Variants in KANK4 observed in about 807,000 individuals in gnomAD.
The protein encoded by KANK4 is KN motif and ankyrin repeat domain-containing protein 4.
KANK4 carries 50 observed loss-of-function variants against 80.8 expected under a neutral mutation model. That is an observed-to-expected ratio of 0.62 (90% CI 0.49 to 0.78). KANK4 has a LOEUF of 0.78. Among genes scored for constraint, KANK4 ranks in the 30% least tolerant of loss-of-function variants. The pLI, the probability that KANK4 is intolerant of heterozygous loss-of-function variation, is 0.00. For synonymous variants in KANK4, 465 were observed against 506.9 expected (o/e 0.92, Z 1.11); for missense variants, 1,196 against 1,240.1 (o/e 0.96, Z 0.53).
chr1:62,315,110 T>C (rs142897506), intron 1 of KANK4, among the ~76,000 whole-genome samples: 1 of 152,152 alleles, frequency 6.6e-6, no homozygotes, highest in Non-Finnish European at 1.5e-5. Context: ...AAAGGCCCAT[T>C]AGAAGCCTCT....
intron 1 of KANK4, among the ~76,000 whole-genome samples, chr1:62,308,452 C>A (rs999858436): frequency 6.6e-6 from 1 of 152,044 alleles, no homozygotes; most frequent in African/African-American, 2.4e-5. Context: ...GCAGCTGCAC[C>A]CCCTACCCCT....
chr1:62,309,693 A>T lies in KANK4; in HGVS notation c.-71+9413T>A, dbSNP rs534723935. ...TCTTTTTTGTCCCCATTTTACAGAT[A>T]GGAAGCTGAGGATAGGGCAGCGATG... is the stretch of plus-strand genomic sequence containing the variant. On this transcript the variant is annotated intron_variant, in intron 1 of 9. Coordinates refer to ENST00000371153, the MANE Select transcript of KANK4 (RefSeq NM_181712.5). Among the ~76,000 whole-genome samples, 69 of 152,330 alleles carry T rather than the reference A, an allele frequency of 4.5e-4. 1 individual carries two copies. Among genetic ancestry groups the T allele is most frequent in the African/African-American group, 1.6e-3 (66 of 41,576 alleles).
At chr1:62,312,779 AAG>A (rs1351305782) in intron 1 of KANK4, among the ~76,000 whole-genome samples, 2 of 152,178 alleles carry the variant, frequency 1.3e-5, no homozygotes, top group African/African-American at 2.4e-5. Context: ...TCAGCAACAA[AAG>A]AGAGCTTCGT....
intron 8 of KANK4, 57 bp from the exon 9 acceptor site, chr1:62,247,729 T>G (rs1026786293): frequency 5.5e-6 from 8 of 1,467,776 alleles, no homozygotes; most frequent in Non-Finnish European, 5.7e-6. Flanking sequence ...AAGGACCCCC[T>G]CTCCAGCCTG....
chr1:62,274,943 C>A lies in KANK4; in HGVS notation c.161G>T (p.Arg54Ile). ...DDIEKGNTIK[R>I]IPIHRRAKQA... ...CTTGGCCCTTCTGTGGATAGGAATT[C>A]TTTTGATAGTGTTTCCCTTCTCGAT... The change falls in exon 3 of 10, where the codon AGA (arginine) becomes ATA (isoleucine). Residue 54 changes from arginine (R) to isoleucine (I), a missense_variant. Physicochemically the swap from Arg to Ile is moderately conservative, Grantham distance 97. Coordinates refer to ENST00000371153, the MANE Select transcript of KANK4 (RefSeq NM_181712.5). The A allele has an allele frequency of 6.2e-7, 1 of 1,614,126 alleles. No individual in the cohort carries two copies.
At chr1:62,276,274 T>C (rs1250034936) in intron 2 of KANK4, among the ~76,000 whole-genome samples, 1 of 152,218 alleles carries the variant, frequency 6.6e-6, no homozygotes, top group East Asian at 1.9e-4. Context: ...ATTCCTCATG[T>C]GACGCCCCTA....
chr1:62,281,967 C>A (rs1672460607), intron 1 of KANK4, among the ~76,000 whole-genome samples: 1 of 152,118 alleles, frequency 6.6e-6, no homozygotes, highest in African/African-American at 2.4e-5. Flanking sequence ...AGTATCAGAC[C>A]CAGGCTTCTG....
intron 9 of KANK4, among the ~76,000 whole-genome samples, chr1:62,239,146 C>A (rs1025596151): frequency 1.3e-5 from 2 of 152,068 alleles, no homozygotes; most frequent in African/African-American, 4.8e-5. Flanking sequence ...AAGTGGCCCA[C>A]CCACATTGGC....
Position 62,262,185 on chromosome 1 carries a change from G to A in KANK4, c.2539+907C>T, listed in dbSNP as rs144541605. On this transcript the variant is annotated intron_variant, in intron 7 of 9. Transcript: ENST00000371153. ...ATGCCATTTTCCCTAGAGGCAGTAC[G>A]GTATATAGCTCTGGAGGTGGACAGA... Among the ~76,000 whole-genome samples, 14 of 152,294 alleles carry A rather than the reference G, an allele frequency of 9.2e-5. No individual in the cohort carries two copies. In the East Asian group the frequency reaches 1.7e-3, roughly 19 times the overall value.
intron 7 of KANK4, among the ~76,000 whole-genome samples, 200 bp from the exon 8 acceptor site, chr1:62,253,409 C>CTTTTTTTTTTTTTTTTTTTTT (rs34488630): frequency 1.8e-5 from 2 of 110,982 alleles, no homozygotes; most frequent in Non-Finnish European, 3.5e-5. Flanking sequence ...TTCTTTCTTT[C>CTTTTTTTTTTTTTTTTTTTTT]TTTTTTTTTT....
chr1:62,270,119 T>C (rs1383638633), intron 4 of KANK4, among the ~76,000 whole-genome samples: 14 of 151,980 alleles, frequency 9.2e-5, no homozygotes, highest in African/African-American at 3.4e-4. Flanking sequence ...CCTCAGCCTG[T>C]TGGAGGGAGG....
chr1:62,304,636 G>C (rs189911024), intron 1 of KANK4, among the ~76,000 whole-genome samples: 2 of 152,126 alleles, frequency 1.3e-5, no homozygotes, highest in East Asian at 3.9e-4. Flanking sequence ...AGTCTCTTTA[G>C]GACACTAAGC....
intron 1 of KANK4, among the ~76,000 whole-genome samples, chr1:62,300,518 G>A (rs895506437): frequency 4.6e-5 from 7 of 152,210 alleles, no homozygotes; most frequent in African/African-American, 7.2e-5. Context: ...TGAGCTGGGC[G>A]TTGAAGGATG....
chr1:62,247,869 C>T (rs1359237122), intron 8 of KANK4, among the ~76,000 whole-genome samples, 197 bp from the exon 9 acceptor site: 1 of 152,064 alleles, frequency 6.6e-6, no homozygotes, highest in Non-Finnish European at 1.5e-5. Context: ...TACATCCTCT[C>T]TAAAGCCTTC....
At chr1:62,245,393 G>A (rs950914332) in intron 9 of KANK4, among the ~76,000 whole-genome samples, 1 of 152,202 alleles carries the variant, frequency 6.6e-6, no homozygotes, top group African/African-American at 2.4e-5. Context: ...CTGTCTGGGT[G>A]TGACTGAGGG....
At chr1:62,293,099 T>C (rs1571031529) in intron 1 of KANK4, among the ~76,000 whole-genome samples, 1 of 123,214 alleles carries the variant, frequency 8.1e-6, no homozygotes, top group African/African-American at 3.3e-5. Context: ...TGTGTGTGTG[T>C]GTGTGTGAGA....
rs779025573 is a variant in KANK4, at chr1:62,273,845, T to C, written c.1259A>G (p.His420Arg). ...ACACGACTCCCTGGTCAAGAGTCCA[T>C]GGACAGGGTCAGTGTTCACCATCAC... ...TDVMVNTDPV[H>R]GLLTRESCDK... is the part of the protein sequence containing the mutation. The change falls in exon 3 of 10, where the codon CAT becomes CGT. Residue 420 changes from histidine to arginine, a missense_variant. By Grantham distance (29) the His-to-Arg change is conservative. This residue lies in a region of KANK4 where 1,154 missense variants were observed against 1,179.6 expected (regional missense o/e 0.98). Coordinates refer to ENST00000371153, the MANE Select transcript of KANK4 (RefSeq NM_181712.5). 3.7e-6 allele frequency: 6 copies of C among 1,614,214 alleles called. No individual in the cohort carries two copies. In the African/African-American group the frequency reaches 4.0e-5, roughly 11 times the overall value.
At position 62,279,919 on chromosome 1, in the gene KANK4, A is replaced by G. The variant is rs1447325417; in HGVS notation, c.16+1630T>C. Among the ~76,000 whole-genome samples the G allele has an allele frequency of 3.5e-4, 54 of 152,200 alleles. 1 individual carries two copies. The highest frequency in any genetic ancestry group is 2.9e-5 in the Non-Finnish European group (2 of 68,032). On this transcript the variant is annotated intron_variant, in intron 2 of 9. Coordinates refer to ENST00000371153, the MANE Select transcript of KANK4 (RefSeq NM_181712.5). ...GTCTTGCTTAAGAGAACAACAGATC[A>G]CTAGATCCTTGTATAGGACCTACAA...
Position 62,268,315 on chromosome 1 carries a change from C to T in KANK4, c.2203G>A (p.Glu735Lys), listed in dbSNP as rs1672075392. ...TCGGCCTTGGAGTGGGGGACTTCTT[C>T]CCCAGGCCCACTTTCCTGGGCAGCA... ...CHAAQESGPG[E>K]EVPHSKAERY... The change falls in exon 5 of 10, where the codon GAA becomes AAA. Residue 735 changes from glutamate to lysine, a missense_variant. Transcript: ENST00000371153. 2 of 1,613,676 alleles carry T rather than the reference C, an allele frequency of 1.2e-6. No individual in the cohort carries two copies. Among genetic ancestry groups the T allele is most frequent in the East Asian group, 4.5e-5 (2 of 44,872 alleles).
Sources: gnomAD v4.1 joint callset for allele counts (sites outside exome capture counted in the v4.1 genomes callset) on GRCh38, gnomAD v4.1.1 for gene constraint, gnomAD v4.1.1 regional missense constraint, MANE v1.5 for transcripts, NCBI Gene and HGNC (gene_info 2026-07-23, HGNC 2026-07-21) for gene names.